The following ZNF385D variants were observed in gnomAD, a reference collection of about 807,000 sequenced individuals.
ZNF385D encodes zinc finger protein 385D.
Under a neutral mutation model 35.8 loss-of-function variants are expected in ZNF385D, and 15 were observed. The ratio of observed to expected loss-of-function variants is 0.42; its 90% CI spans 0.28 to 0.64. The LOEUF is 0.64. Among genes scored for constraint, ZNF385D ranks in the 30% least tolerant of loss-of-function variants. The probability of loss-of-function intolerance (pLI) is 0.23; values close to 1 mark genes in which losing one functional copy is unlikely to be tolerated. For missense variants in ZNF385D, 474 were observed against 494.6 expected, an observed-to-expected ratio of 0.96 and a Z score of 0.39; for synonymous variants, 212 against 186.8, an observed-to-expected ratio of 1.13 and a Z score of -1.10.
At chr3:21,769,999 T>C (rs2071005907) in intron 3 of ZNF385D, among the ~76,000 whole-genome samples, 1 of 152,146 alleles carries the variant, frequency 6.6e-6, no homozygotes, top group Non-Finnish European at 1.5e-5. Flanking sequence ...GGATTCCCTA[T>C]TTTACAAATG....
At chr3:21,667,221 G>C (rs1162560098) in intron 1 of ZNF385D, among the ~76,000 whole-genome samples, 1 of 152,168 alleles carries the variant, frequency 6.6e-6, no homozygotes, top group Non-Finnish European at 1.5e-5. Flanking sequence ...GAGTGCTGTG[G>C]TGCCATTATG....
At chr3:22,253,216 A>G (rs569608231) in intron 2 of ZNF385D, among the ~76,000 whole-genome samples, 1 of 152,180 alleles carries the variant, frequency 6.6e-6, no homozygotes, top group South Asian at 2.1e-4. Flanking sequence ...AGGGAGACTT[A>G]GAAAGGGCTG....
chr3:21,945,173 T>TATAG (rs1701718980), intron 3 of ZNF385D, among the ~76,000 whole-genome samples: 6 of 150,592 alleles, frequency 4.0e-5, no homozygotes, highest in Admixed American at 6.6e-5. Flanking sequence ...CATATATATA[T>TATAG]AGTGAGAGAG....
At chr3:21,585,044 G>A (rs1006391136) in intron 2 of ZNF385D, among the ~76,000 whole-genome samples, 4 of 87,478 alleles carry the variant, frequency 4.6e-5, no homozygotes, top group South Asian at 3.8e-4. Flanking sequence ...GAAATATAAC[G>A]AATCTTTGTG....
intron 2 of ZNF385D, among the ~76,000 whole-genome samples, chr3:22,258,960 T>G (rs2125340538): frequency 6.6e-6 from 1 of 151,718 alleles, no homozygotes; most frequent in South Asian, 2.1e-4. Context: ...AGGAAGGAGC[T>G]TTTGAAATCT....
chr3:21,939,236 C>T (rs1050964407), intron 3 of ZNF385D, among the ~76,000 whole-genome samples: 8 of 152,172 alleles, frequency 5.3e-5, no homozygotes, highest in Non-Finnish European at 7.3e-5. Flanking sequence ...GCTTCTACCC[C>T]GTGCCTACTT....
intron 3 of ZNF385D, among the ~76,000 whole-genome samples, chr3:22,120,505 TATCTACTTGGAAGAG>T (rs1408763644): frequency 6.6e-6 from 1 of 152,144 alleles, no homozygotes; most frequent in Non-Finnish European, 1.5e-5. Context: ...GGCTTCAACA[TATCTACTTGGAAGAG>T]ACACAATTCA....
At chr3:21,695,823 T>C (rs962892261) in intron 1 of ZNF385D, among the ~76,000 whole-genome samples, 1 of 151,852 alleles carries the variant, frequency 6.6e-6, no homozygotes, top group Non-Finnish European at 1.5e-5. Flanking sequence ...TCCCTTGTCA[T>C]TTTAATTGCT....
intron 2 of ZNF385D, among the ~76,000 whole-genome samples, chr3:22,355,324 G>GT (rs1172613075): frequency 6.6e-6 from 1 of 151,936 alleles, no homozygotes; most frequent in Non-Finnish European, 1.5e-5. Flanking sequence ...CTCTGGATAT[G>GT]TTTTCAACTC....
intron 3 of ZNF385D, among the ~76,000 whole-genome samples, chr3:21,929,927 T>G (rs1346277282): frequency 1.3e-5 from 2 of 152,070 alleles, no homozygotes; most frequent in Non-Finnish European, 2.9e-5. Context: ...CAGCTGGATT[T>G]CTGTAGAAAT....
At chr3:21,747,061 T>G in intron 1 of ZNF385D, among the ~76,000 whole-genome samples, 1 of 151,456 alleles carries the variant, frequency 6.6e-6, no homozygotes. Context: ...TTTTTAGCTG[T>G]TGTATTAAAA....
chr3:21,754,900 T>C (rs1000359322), upstream of ZNF385D, among the ~76,000 whole-genome samples: 1 of 152,188 alleles, frequency 6.6e-6, no homozygotes, highest in Non-Finnish European at 1.5e-5. Flanking sequence ...TACAGCTGTA[T>C]TGTGTGTAAG....
intron 2 of ZNF385D, among the ~76,000 whole-genome samples, chr3:22,342,276 CAAAAA>C (rs766689054): frequency 3.7e-5 from 2 of 53,508 alleles, no homozygotes; most frequent in African/African-American, 5.6e-5. Context: ...GACTCCGCCT[CAAAAA>C]AAAAAAAAAA....
chr3:22,110,788 T>TAAA (rs72518246), intron 3 of ZNF385D, among the ~76,000 whole-genome samples: 34 of 141,016 alleles, frequency 2.4e-4, no homozygotes, highest in South Asian at 4.5e-4. Context: ...TAAAGTATAA[T>TAAA]AAAAAAAAAA....
chr3:22,312,718 G>A lies in ZNF385D; in HGVS notation c.106+59732C>T, dbSNP rs548284555. ...CACAATGAGATACCACCTCACACCA[G>A]TTAGAATGGCAATCATTAAAAAGTC... On this transcript the variant is annotated intron_variant, in intron 2 of 5. Coordinates refer to the ZNF385D transcript ENST00000494108. 1.7e-4 allele frequency among the ~76,000 whole-genome samples: 26 copies of A among 150,838 alleles called. No individual in the cohort carries two copies. In the East Asian group the frequency reaches 4.9e-3, roughly 28 times the overall value.
At chr3:22,266,686 C>G (rs1700913790) in intron 2 of ZNF385D, among the ~76,000 whole-genome samples, 1 of 151,896 alleles carries the variant, frequency 6.6e-6, no homozygotes, top group Non-Finnish European at 1.5e-5. Flanking sequence ...CAAAGGTATT[C>G]TTTTCACAGC....
intron 2 of ZNF385D, among the ~76,000 whole-genome samples, chr3:22,280,946 C>T (rs1701707197): frequency 6.6e-6 from 1 of 151,978 alleles, no homozygotes; most frequent in Admixed American, 6.6e-5. Flanking sequence ...AGGTCTTCAC[C>T]TCCTTTGTTA....
chr3:21,683,175 A>G (rs1183748733), intron 1 of ZNF385D, among the ~76,000 whole-genome samples: 1 of 149,924 alleles, frequency 6.7e-6, no homozygotes. Flanking sequence ...TGATAAACCT[A>G]AAGTCCAGTT....
intron 3 of ZNF385D, among the ~76,000 whole-genome samples, chr3:21,977,632 A>C (rs1051922285): frequency 1.3e-5 from 2 of 152,078 alleles, no homozygotes; most frequent in African/African-American, 4.8e-5. Flanking sequence ...GATCCTGGGT[A>C]ACACATGAAA....
Sources: gnomAD v4.1 joint callset for allele counts (sites outside exome capture counted in the v4.1 genomes callset) on GRCh38, gnomAD v4.1.1 for gene constraint, MANE v1.5 for transcripts, NCBI Gene and HGNC (gene_info 2026-07-23, HGNC 2026-07-21) for gene names.